ANP32D: variants seen among roughly 807,000 people sequenced by gnomAD.
ANP32D encodes acidic nuclear phosphoprotein 32 family member D, also known as acidic leucine-rich nuclear phosphoprotein 32 family member D.
In ANP32D, 6 loss-of-function variants were observed where a neutral mutation model predicts 7.8. The observed-to-expected ratio is 0.77, with a 90% confidence interval of 0.42 to 1.52. ANP32D has a LOEUF of 1.52. Among genes scored for constraint, ANP32D ranks in the 40% most tolerant of loss-of-function variants. ANP32D has a pLI of 0.01. For missense variants in ANP32D, 163 were observed against 145.9 expected (o/e 1.12, Z -0.60); for synonymous variants, 69 against 59.7 (o/e 1.16, Z -0.72).
rs770454318 is a variant in ANP32D, at chr12:48,472,933, T to C, written c.269T>C (p.Leu90Pro). The change falls in exon 1 of 1, where the codon CTC becomes CCC. Residue 90 changes from leucine (L) to proline (P), a missense_variant. Coordinates refer to ENST00000266594, the MANE Select transcript of ANP32D (RefSeq NM_012404.3). ...GTATTGGCAGAAAAGTGTCCAAACCTCATACATCTAAATTTAAGTGGCAAC... is the reference window on the plus strand; with the variant it reads ...GTATTGGCAGAAAAGTGTCCAAACCCCATACATCTAAATTTAAGTGGCAAC... ...LEVLAEKCPN[L>P]IHLNLSGNKI... The C allele has an allele frequency of 6.2e-7, 1 of 1,614,112 alleles. No homozygotes were observed. The highest frequency in any genetic ancestry group is 1.3e-5 in the African/African-American group (1 of 75,024).
chr12:48,473,111 C>T lies in ANP32D; in HGVS notation c.*51C>T. 1.2e-6 allele frequency: 2 copies of T among 1,612,832 alleles called. No individual in the cohort carries two copies. Among genetic ancestry groups the T allele is most frequent in the Non-Finnish European group, 1.7e-6 (2 of 1,179,296 alleles). On this transcript the variant is annotated 3_prime_UTR_variant, in exon 1 of 1. Coordinates refer to ENST00000266594, the MANE Select transcript of ANP32D (RefSeq NM_012404.3). Reference sequence around the variant, plus strand: ...AACTCACATATCTCAACGGCTGTGACCCGGATGACAAGGAGGCCCCTAACT... The same window carrying T: ...AACTCACATATCTCAACGGCTGTGATCCGGATGACAAGGAGGCCCCTAACT...
chr12:48,473,228 T>C lies in ANP32D; in HGVS notation c.*168T>C. On this transcript the variant is annotated 3_prime_UTR_variant, in exon 1 of 1. Transcript: ENST00000266594. ...ATGAAGATGCTCAGGTAATGGAAGA[T>C]GAGGAGGACGAGGATGAGGAGGAGG... The C allele has an allele frequency of 2.5e-6, 3 of 1,182,216 alleles. No homozygotes were observed. Among genetic ancestry groups the C allele is most frequent in the Middle Eastern group, 1.9e-4 (1 of 5,230 alleles). 73.2% of individuals were successfully genotyped at this position (1,182,216 alleles called of 1,614,324 possible). A position where few individuals can be genotyped will look rare whatever the true frequency, so the allele number is the denominator to read the frequency against.
rs1409832952 is a variant in ANP32D, at chr12:48,472,678, A to G, written c.14A>G (p.Lys5Arg). 9.3e-6 allele frequency: 15 copies of G among 1,614,038 alleles called. No homozygotes were observed. Among genetic ancestry groups the G allele is most frequent in the Non-Finnish European group, 1.3e-5 (15 of 1,180,026 alleles). The change falls in exon 1 of 1, where the codon AAA becomes AGA. Residue 5 changes from lysine to arginine, a missense_variant. Coordinates refer to ENST00000266594, the MANE Select transcript of ANP32D (RefSeq NM_012404.3). The stretch of plus-strand genomic sequence containing the variant: ...AAAGCGTGAGAGATGGAGATGGGCA[A>G]ATGGATTCATTTAGAGCTGCGGAAC... MEMG[K>R]WIHLELRNRT...
In ANP32D at chr12:48,472,608, G is replaced by A. The variant is rs747036685; in HGVS notation, c.-57G>A. The A allele has an allele frequency of 1.2e-4, 185 of 1,601,710 alleles. No individual in the cohort carries two copies. Among genetic ancestry groups the A allele is most frequent in the Middle Eastern group, 5.0e-4 (3 of 5,992 alleles). ...CTTTCAAATGTGCGGTTGTGGGTTCGGGGTTTATTGGTTGAATTCCGCTGG... is the reference window on the plus strand; with the variant it reads ...CTTTCAAATGTGCGGTTGTGGGTTCAGGGTTTATTGGTTGAATTCCGCTGG... On this transcript the variant is annotated 5_prime_UTR_variant, in exon 1 of 1. Coordinates refer to ENST00000266594, the MANE Select transcript of ANP32D (RefSeq NM_012404.3).
In ANP32D at chr12:48,472,629, G is replaced by A. The variant is rs368938365; in HGVS notation, c.-36G>A. 234 of 1,610,952 alleles carry A rather than the reference G, an allele frequency of 1.5e-4. No individual in the cohort carries two copies. Among genetic ancestry groups the A allele is most frequent in the Middle Eastern group, 3.3e-4 (2 of 6,028 alleles). ...GTTCGGGGTTTATTGGTTGAATTCCGCTGGCTCAGGAGCCTCTGCAGAGAA... is the reference window on the plus strand; with the variant it reads ...GTTCGGGGTTTATTGGTTGAATTCCACTGGCTCAGGAGCCTCTGCAGAGAA... On this transcript the variant is annotated 5_prime_UTR_variant, in exon 1 of 1. Coordinates refer to ENST00000266594, the MANE Select transcript of ANP32D (RefSeq NM_012404.3).
chr12:48,472,814 C>T lies in ANP32D; in HGVS notation c.150C>T (p.Ile50=), dbSNP rs1338188073. 2 of 1,614,056 alleles carry T rather than the reference C, an allele frequency of 1.2e-6. No homozygotes were observed. Among genetic ancestry groups the T allele is most frequent in the Admixed American group, 3.3e-5 (2 of 60,000 alleles). ...AAGAACTGGAATTATTAAATACAAT[C>T]AACATAGGCCTCACCTCAATTGCAA... The part of the protein sequence containing the change: ...EFEELELLNT[I]NIGLTSIANL... Residue 50 remains isoleucine, a synonymous_variant, in exon 1 of 1, where the codon ATC becomes ATT. Coordinates refer to ENST00000266594, the MANE Select transcript of ANP32D (RefSeq NM_012404.3).
In ANP32D at chr12:48,473,065, A is replaced by C; in HGVS notation, c.*5A>C. 6.2e-7 allele frequency: 1 copy of C among 1,614,062 alleles called. No individual in the cohort carries two copies. Among genetic ancestry groups the C allele is most frequent in the East Asian group, 2.2e-5 (1 of 44,884 alleles). ...ACCAACCTGAACAACTACTGAGAAA[A>C]GATGTTCAAGCTCCTCCTGCAACTC... is the stretch of plus-strand genomic sequence containing the variant. On this transcript the variant is annotated 3_prime_UTR_variant, in exon 1 of 1. Transcript: ENST00000266594.
Position 48,473,115 on chromosome 12 carries a change from G to A in ANP32D, c.*55G>A. 6.2e-7 allele frequency: 1 copy of A among 1,612,600 alleles called. No homozygotes were observed. Among genetic ancestry groups the A allele is most frequent in the Non-Finnish European group, 8.5e-7 (1 of 1,179,102 alleles). ...CACATATCTCAACGGCTGTGACCCG[G>A]ATGACAAGGAGGCCCCTAACTCGGA... On this transcript the variant is annotated 3_prime_UTR_variant, in exon 1 of 1. Coordinates refer to ENST00000266594, the MANE Select transcript of ANP32D (RefSeq NM_012404.3).
chr12:48,472,578 T>C lies in ANP32D; in HGVS notation c.-87T>C. ...CTTTCGGAGAACCCAGCAGAGCTGG[T>C]TGAGCTTTCAAATGTGCGGTTGTGG... On this transcript the variant is annotated 5_prime_UTR_variant, in exon 1 of 1. Coordinates refer to ENST00000266594, the MANE Select transcript of ANP32D (RefSeq NM_012404.3). 6.6e-7 allele frequency: 1 copy of C among 1,520,628 alleles called. No homozygotes were observed. The allele number at this position is 1,520,628 out of a possible 1,614,324, so 94.2% of individuals were successfully genotyped here. A position where few individuals can be genotyped will look rare whatever the true frequency, so the allele number is the denominator to read the frequency against.
Position 48,473,052 on chromosome 12 carries a change from A to G in ANP32D, c.388A>G (p.Asn130Asp), listed in dbSNP as rs758770989. ...CACTTGCGAGGTAACCAACCTGAAC[A>G]ACTACTGAGAAAAGATGTTCAAGCT... is the stretch of plus-strand genomic sequence containing the variant. ...LFTCEVTNLN[N>D]Y is the part of the protein sequence containing the mutation. Residue 130 changes from asparagine to aspartate, a missense_variant, in exon 1 of 1, where the codon AAC (asparagine) becomes GAC (aspartate). By Grantham distance (23) the Asn-to-Asp change is conservative. Coordinates refer to ENST00000266594, the MANE Select transcript of ANP32D (RefSeq NM_012404.3). 1 of 1,613,972 alleles carries G rather than the reference A, an allele frequency of 6.2e-7. No homozygotes were observed. The highest frequency in any genetic ancestry group is 1.7e-5 in the Admixed American group (1 of 59,992).
chr12:48,473,286 G>C lies in ANP32D; in HGVS notation c.*226G>C. The C allele has an allele frequency of 9.1e-7, 1 of 1,094,678 alleles. No homozygotes were observed. The highest frequency in any genetic ancestry group is 1.4e-6 in the Non-Finnish European group (1 of 727,986). The allele number at this position is 1,094,678 out of a possible 1,614,324, so 67.8% of individuals were successfully genotyped here. On this transcript the variant is annotated 3_prime_UTR_variant, in exon 1 of 1. Coordinates refer to ENST00000266594, the MANE Select transcript of ANP32D (RefSeq NM_012404.3). ...AGAGGAGGACGTGAGTGGAGACGAG[G>C]AGGAGAAGGATGAAGGTTATAACAA... is the stretch of plus-strand genomic sequence containing the variant.
rs746441828 is a variant in ANP32D at position 48,472,998 on chromosome 12, T to C, written c.334T>C (p.Leu112=). The C allele has an allele frequency of 2.5e-6, 4 of 1,613,994 alleles. No homozygotes were observed. The South Asian group carries it at 4.4e-5, about 18-fold the overall frequency. ...DLSTIEPLKK[L]ENLESLDLFT... ...CAGCACAATAGAGCCCCTGAAAAAG[T>C]TAGAAAACCTCGAGAGCTTAGACCT... The change falls in exon 1 of 1, where the codon TTA becomes CTA. Residue 112 remains leucine (L), a synonymous_variant. Coordinates refer to ENST00000266594, the MANE Select transcript of ANP32D (RefSeq NM_012404.3).
rs1954100012 is a variant in ANP32D at position 48,473,453 on chromosome 12, T to C, written c.*393T>C. The C allele has an allele frequency of 1.7e-6, 1 of 573,030 alleles. No homozygotes were observed. The highest frequency in any genetic ancestry group is 3.1e-6 in the Non-Finnish European group (1 of 323,862). The allele number at this position is 573,030 out of a possible 1,614,324, so 35.5% of individuals were successfully genotyped here. ...TTTTGAAAAATTCCTTTTGTGATTT[T>C]ACTGTTTTTAGCCGTATCCCCTCCC... On this transcript the variant is annotated 3_prime_UTR_variant, in exon 1 of 1. Transcript: ENST00000266594.
Position 48,473,458 on chromosome 12 carries a change from T to C in ANP32D, c.*398T>C. 1.9e-6 allele frequency: 1 copy of C among 539,918 alleles called. No homozygotes were observed. Among genetic ancestry groups the C allele is most frequent in the Non-Finnish European group, 3.3e-6 (1 of 298,944 alleles). 33.4% of individuals were successfully genotyped at this position (539,918 alleles called of 1,614,324 possible). ...AAAAATTCCTTTTGTGATTTTACTG[T>C]TTTTAGCCGTATCCCCTCCCCCACT... On this transcript the variant is annotated 3_prime_UTR_variant, in exon 1 of 1. Coordinates refer to ENST00000266594, the MANE Select transcript of ANP32D (RefSeq NM_012404.3).
Position 48,473,335 on chromosome 12 carries a change from A to T in ANP32D, c.*275A>T. The T allele has an allele frequency of 8.5e-7, 1 of 1,177,496 alleles. No individual in the cohort carries two copies. The highest frequency in any genetic ancestry group is 1.2e-6 in the Non-Finnish European group (1 of 806,748). The allele number at this position is 1,177,496 out of a possible 1,614,324, so 72.9% of individuals were successfully genotyped here. ...AATGGAGAGGTAGATGATGAGGAAG[A>T]TGAAGAAGAGCTTGGTGAAGAAGAA... On this transcript the variant is annotated 3_prime_UTR_variant, in exon 1 of 1. Coordinates refer to ENST00000266594, the MANE Select transcript of ANP32D (RefSeq NM_012404.3).
Position 48,473,205 on chromosome 12 carries a change from G to A in ANP32D, c.*145G>A. 1 of 1,306,184 alleles carries A rather than the reference G, an allele frequency of 7.7e-7. No individual in the cohort carries two copies. The allele number at this position is 1,306,184 out of a possible 1,614,324, so 80.9% of individuals were successfully genotyped here. On this transcript the variant is annotated 3_prime_UTR_variant, in exon 1 of 1. Coordinates refer to ENST00000266594, the MANE Select transcript of ANP32D (RefSeq NM_012404.3). ...GGATGAGGATGAGGAGGAGTATGAT[G>A]AAGATGCTCAGGTAATGGAAGATGA...
rs754837794 is a variant in ANP32D at position 48,472,833 on chromosome 12, A to C, written c.169A>C (p.Ile57Leu). Reference protein sequence around the residue: ...LNTINIGLTSIANLPKLNKLK... With the variant: ...LNTINIGLTSLANLPKLNKLK... The stretch of plus-strand genomic sequence containing the variant: ...TACAATCAACATAGGCCTCACCTCA[A>C]TTGCAAACTTGCCAAAGTTAAACAA... The change falls in exon 1 of 1, where the codon ATT becomes CTT. Residue 57 changes from isoleucine to leucine, a missense_variant. Ile to Leu is a conservative substitution (Grantham distance 5). Transcript: ENST00000266594. 4 of 1,614,028 alleles carry C rather than the reference A, an allele frequency of 2.5e-6. No homozygotes were observed. In the African/African-American group the frequency reaches 5.3e-5, roughly 22 times the overall value.
Position 48,473,049 on chromosome 12 carries a change from A to C in ANP32D, c.385A>C (p.Asn129His). Residue 129 changes from asparagine (N) to histidine (H), a missense_variant, in exon 1 of 1, where the codon AAC (asparagine) becomes CAC (histidine). By Grantham distance (68) the Asn-to-His change is moderately conservative. Coordinates refer to ENST00000266594, the MANE Select transcript of ANP32D (RefSeq NM_012404.3). ...TTTCACTTGCGAGGTAACCAACCTGAACAACTACTGAGAAAAGATGTTCAA... is the reference window on the plus strand; with the variant it reads ...TTTCACTTGCGAGGTAACCAACCTGCACAACTACTGAGAAAAGATGTTCAA... ...DLFTCEVTNL[N>H]NY The C allele has an allele frequency of 1.2e-6, 2 of 1,614,122 alleles. No homozygotes were observed. The highest frequency in any genetic ancestry group is 1.7e-6 in the Non-Finnish European group (2 of 1,180,016).
In ANP32D at chr12:48,473,588, G is replaced by T; in HGVS notation, c.*528G>T. On this transcript the variant is annotated 3_prime_UTR_variant, in exon 1 of 1. Coordinates refer to ENST00000266594, the MANE Select transcript of ANP32D (RefSeq NM_012404.3). ...TTGTGAGGGAAGGGAGGGGAGGAGG[G>T]GGTGGAATAAAATACTATTTTTACT... The T allele has an allele frequency of 3.5e-6, 1 of 285,574 alleles. No homozygotes were observed. The highest frequency in any genetic ancestry group is 3.8e-5 in the South Asian group (1 of 26,330). The allele number at this position is 285,574 out of a possible 1,614,324, so 17.7% of individuals were successfully genotyped here. A position where few individuals can be genotyped will look rare whatever the true frequency, so the allele number is the denominator to read the frequency against.
Sources: gnomAD v4.1 joint callset for allele counts on GRCh38, gnomAD v4.1.1 for gene constraint, MANE v1.5 for transcripts, NCBI Gene and HGNC (gene_info 2026-07-23, HGNC 2026-07-21) for gene names.